The following ANKS1B variants were observed in gnomAD, a reference collection of about 807,000 sequenced individuals.
ANKS1B encodes the protein ankyrin repeat and sterile alpha motif domain-containing protein 1B.
Under a neutral mutation model 148.3 loss-of-function variants are expected in ANKS1B, and 36 were observed. That is an observed-to-expected ratio of 0.24 (90% CI 0.19 to 0.32). ANKS1B has a LOEUF of 0.32. Among genes scored for constraint, ANKS1B ranks in the 10% least tolerant of loss-of-function variants. ANKS1B has a pLI of 1.00. For missense variants in ANKS1B, 1,157 were observed against 1,542.6 expected (o/e 0.75, Z 4.19); for synonymous variants, 542 against 560.8 (o/e 0.97, Z 0.47).
At chr12:99,157,936 T>C (rs1445704172) in intron 14 of ANKS1B, among the ~76,000 whole-genome samples, 4 of 152,214 alleles carry the variant, frequency 2.6e-5, no homozygotes, top group Admixed American at 2.6e-4. Flanking sequence ...AAAATTTATA[T>C]AGACTGCCTG....
chr12:99,662,341 A>G (rs555860667), intron 8 of ANKS1B, among the ~76,000 whole-genome samples: 1 of 152,280 alleles, frequency 6.6e-6, no homozygotes, highest in Admixed American at 6.5e-5. Context: ...TGATAATTTT[A>G]TAGTTACTGT....
At chr12:98,951,823 C>T (rs1368239694) in intron 17 of ANKS1B, among the ~76,000 whole-genome samples, 1 of 152,174 alleles carries the variant, frequency 6.6e-6, no homozygotes. Context: ...GGTCTTATGG[C>T]ATTTGTTACA....
chr12:99,648,687 C>T (rs760070227), intron 9 of ANKS1B: 10 of 1,614,042 alleles, frequency 6.2e-6, no homozygotes, highest in Non-Finnish European at 8.5e-6. Flanking sequence ...ACCTTGTTTA[C>T]ATCCTGAGAC....
At chr12:98,770,423 C>T (rs143576382) in intron 25 of ANKS1B, among the ~76,000 whole-genome samples, 417 of 152,350 alleles carry the variant, frequency 2.7e-3, no homozygotes, top group Middle Eastern at 0.014. Context: ...ATGTTTAAGG[C>T]ACCAGAAACC....
At position 98,744,644 on chromosome 12, in the gene ANKS1B, G is replaced by C. The variant is rs1350818352; in HGVS notation, c.*1095C>G. 1 of 868,822 alleles carries C rather than the reference G, an allele frequency of 1.2e-6. No homozygotes were observed. Among genetic ancestry groups the C allele is most frequent in the African/African-American group, 1.9e-5 (1 of 53,172 alleles). The allele number at this position is 868,822 out of a possible 1,614,324, so 53.8% of individuals were successfully genotyped here. ...TAGTAAGCAAACTTTTTTTTTGTTT[G>C]TCTCAAGAAAAGTTTTATTACTTTG... On this transcript the variant is annotated 3_prime_UTR_variant, in exon 27 of 27. Transcript: ENST00000683438.
intron 9 of ANKS1B, among the ~76,000 whole-genome samples, chr12:99,628,805 G>A (rs1355427029): frequency 2.6e-5 from 4 of 152,110 alleles, no homozygotes; most frequent in Non-Finnish European, 5.9e-5. Flanking sequence ...AACTTACTTT[G>A]TATCAGGAAT....
At chr12:99,464,352 C>A (rs561608599) in intron 10 of ANKS1B, among the ~76,000 whole-genome samples, 4 of 152,186 alleles carry the variant, frequency 2.6e-5, no homozygotes, top group African/African-American at 9.6e-5. Flanking sequence ...AAAAACAGAG[C>A]AGAAAAACTG....
intron 1 of ANKS1B, among the ~76,000 whole-genome samples, chr12:99,866,912 T>C (rs190641651): frequency 2.1e-3 from 314 of 152,260 alleles, no homozygotes; most frequent in African/African-American, 7.4e-3. Context: ...TATTTTGGGT[T>C]TTATGTGTTT....
intron 11 of ANKS1B, 53 bp downstream of exon 11, chr12:99,443,620 T>C (rs937099259): frequency 6.3e-7 from 1 of 1,589,216 alleles, no homozygotes; most frequent in African/African-American, 1.3e-5. Context: ...GTACATGCAT[T>C]GATTCAAATC....
At chr12:98,913,644 T>C (rs955860795) in intron 17 of ANKS1B, among the ~76,000 whole-genome samples, 9 of 152,210 alleles carry the variant, frequency 5.9e-5, no homozygotes, top group African/African-American at 2.2e-4. Context: ...TTTGTTGTTG[T>C]TGAGATGGAG....
intron 11 of ANKS1B, among the ~76,000 whole-genome samples, chr12:99,413,427 A>G (rs557217606): frequency 1.3e-5 from 2 of 152,342 alleles, no homozygotes; most frequent in South Asian, 4.1e-4. Context: ...CAAGAGCCTA[A>G]TAACTCTTGA....
chr12:99,106,124 A>G (rs1224899866), intron 15 of ANKS1B, among the ~76,000 whole-genome samples: 3 of 152,224 alleles, frequency 2.0e-5, no homozygotes, highest in African/African-American at 4.8e-5. Flanking sequence ...CTTCAATAGA[A>G]ATGCTCATTG....
intron 8 of ANKS1B, among the ~76,000 whole-genome samples, chr12:99,720,009 T>C (rs1202337950): frequency 6.6e-6 from 1 of 152,192 alleles, no homozygotes; most frequent in Non-Finnish European, 1.5e-5. Context: ...CCAAGGAACA[T>C]ATCTCCTTCC....
chr12:99,514,105 T>C (rs1384996998), intron 9 of ANKS1B, among the ~76,000 whole-genome samples: 1 of 152,076 alleles, frequency 6.6e-6, no homozygotes, highest in African/African-American at 2.4e-5. Context: ...CCTTGAGTAA[T>C]AAGTTTAAAC....
chr12:99,061,614 C>T (rs1031379117), intron 16 of ANKS1B, among the ~76,000 whole-genome samples: 10 of 152,184 alleles, frequency 6.6e-5, no homozygotes, highest in African/African-American at 2.4e-4. Context: ...CTGCACTGCT[C>T]ATTTCAAGAC....
chr12:99,283,757 C>T (rs2078767472), intron 12 of ANKS1B, among the ~76,000 whole-genome samples: 1 of 152,164 alleles, frequency 6.6e-6, no homozygotes, highest in East Asian at 1.9e-4. Flanking sequence ...TTCTTTTATG[C>T]ACATGTAGTT....
rs574758781 is a variant in ANKS1B at position 99,185,903 on chromosome 12, C to T, written c.2420-31508G>A. ...ACCAGCGAGACAGAACTGTTCACTC[C>T]CCTGGAAAGGGGGCTGAAGCCAGGG... is the stretch of plus-strand genomic sequence containing the variant. On this transcript the variant is annotated intron_variant, in intron 14 of 26. Coordinates refer to ENST00000683438, the MANE Select transcript of ANKS1B (RefSeq NM_001352186.2). 1.5e-3 allele frequency among the ~76,000 whole-genome samples: 225 copies of T among 152,266 alleles called. 1 individual carries two copies. The highest frequency in any genetic ancestry group is 1.4e-3 in the Non-Finnish European group (95 of 68,012).
At chr12:99,787,560 C>A (rs1567848882) in intron 4 of ANKS1B, among the ~76,000 whole-genome samples, 1 of 152,270 alleles carries the variant, frequency 6.6e-6, no homozygotes, top group East Asian at 1.9e-4. Context: ...AAGGACAGAG[C>A]AAAATTGCAG....
At chr12:99,374,936 T>C (rs890832867) in intron 12 of ANKS1B, among the ~76,000 whole-genome samples, 1 of 152,204 alleles carries the variant, frequency 6.6e-6, no homozygotes, top group Non-Finnish European at 1.5e-5. Context: ...AATTCATGTG[T>C]TTTTGAATTT....
Sources: gnomAD v4.1 joint callset for allele counts (sites outside exome capture counted in the v4.1 genomes callset) on GRCh38, gnomAD v4.1.1 for gene constraint, MANE v1.5 for transcripts, NCBI Gene and HGNC (gene_info 2026-07-23, HGNC 2026-07-21) for gene names.